The following HCN4 variants were observed in gnomAD, a reference collection of about 807,000 sequenced individuals.
The protein encoded by HCN4 is hyperpolarization activated cyclic nucleotide gated potassium channel 4, also known as potassium/sodium hyperpolarization-activated cyclic nucleotide-gated channel 4.
HCN4 carries 29 observed loss-of-function variants against 76.9 expected under a neutral mutation model. The observed-to-expected ratio is 0.38, with a 90% CI of 0.28 to 0.51. The LOEUF is 0.51. Among genes scored for constraint, HCN4 ranks in the 20% least tolerant of loss-of-function variants. The probability of loss-of-function intolerance (pLI) is 0.90; values close to 1 mark genes in which losing one functional copy is unlikely to be tolerated. For synonymous variants in HCN4, 772 were observed against 762.5 expected, an observed-to-expected ratio of 1.01 and a Z score of -0.21; for missense variants, 1,416 against 1,715.2, an observed-to-expected ratio of 0.83 and a Z score of 3.08.
In HCN4 at chr15:73,323,247, C is replaced by A; in HGVS notation, c.2846G>T (p.Arg949Leu). Residue 949 changes from arginine to leucine, a missense_variant, in exon 8 of 8, where the codon CGG becomes CTG. Coordinates refer to ENST00000261917, the MANE Select transcript of HCN4 (RefSeq NM_005477.3). ...GTGCTCCGGGAGTCCCAGGCCTCCCCGGGCCCCGGGTGGCGCGGGAGATGG... is the reference window on the plus strand; with the variant it reads ...GTGCTCCGGGAGTCCCAGGCCTCCCAGGGCCCCGGGTGGCGCGGGAGATGG... ...AQPSPAPPGA[R>L]GGLGLPEHFL... 6.6e-7 allele frequency: 1 copy of A among 1,522,712 alleles called. No homozygotes were observed. Among genetic ancestry groups the A allele is most frequent in the Non-Finnish European group, 8.8e-7 (1 of 1,135,724 alleles). The allele number at this position is 1,522,712 out of a possible 1,614,324, so 94.3% of individuals were successfully genotyped here.
rs1010963303 is a variant in HCN4 at position 73,322,911 on chromosome 15, G to A, written c.3182C>T (p.Pro1061Leu). ...CCGGCGCTGGGGGACCTGGGGTGGT[G>A]GGGGGCTGGATGCAGGTGGCAGGAG... ...SLLLPPASSP[P>L]PPQVPQRRGT... is the part of the protein sequence containing the mutation. Residue 1061 changes from proline to leucine, a missense_variant, in exon 8 of 8, where the codon CCA becomes CTA. By Grantham distance (98) the Pro-to-Leu change is moderately conservative. Coordinates refer to ENST00000261917, the MANE Select transcript of HCN4 (RefSeq NM_005477.3). The A allele has an allele frequency of 7.1e-7, 1 of 1,403,314 alleles. No homozygotes were observed. Among genetic ancestry groups the A allele is most frequent in the Non-Finnish European group, 9.4e-7 (1 of 1,061,652 alleles). The allele number at this position is 1,403,314 out of a possible 1,614,324, so 86.9% of individuals were successfully genotyped here.
In HCN4 at chr15:73,368,559, G is replaced by A; in HGVS notation, c.-289C>T. 1 of 238,198 alleles carries A rather than the reference G, an allele frequency of 4.2e-6. No homozygotes were observed. Among genetic ancestry groups the A allele is most frequent in the African/African-American group, 2.3e-5 (1 of 44,206 alleles). 14.8% of individuals were successfully genotyped at this position (238,198 alleles called of 1,614,324 possible). On this transcript the variant is annotated 5_prime_UTR_variant, in exon 1 of 8. Coordinates refer to ENST00000261917, the MANE Select transcript of HCN4 (RefSeq NM_005477.3). This position sits in a 1 kb window ranked among gnomAD's most constrained non-coding sequence, Gnocchi z 6.9. The stretch of plus-strand genomic sequence containing the variant: ...CCCTCCCTCTGGCGTTCAGGGGCGC[G>A]GCGCGCCGCCCGGCTCCAGGCGCCC...
In HCN4 at chr15:73,324,973, C is replaced by T. The variant is rs902789199; in HGVS notation, c.1960G>A (p.Asp654Asn). Residue 654 changes from aspartate (D) to asparagine (N), a missense_variant, in exon 6 of 8, where the codon GAC (aspartate) becomes AAC (asparagine). Asp to Asn is a conservative substitution (Grantham distance 23). Around this residue, in one of 6 missense-constraint regions of HCN4, gnomAD observed 241 missense variants for 379.4 expected, o/e 0.64. Transcript: ENST00000261917. ...GCCTCACCTCCAAAGTAGGAGCCGT[C>T]GGCCAGCTTGGTCTCCTTGTTGCCC... ...TKGNKETKLADGSYFGEICLL... is the reference protein window; with the variant it reads ...TKGNKETKLANGSYFGEICLL... 3.1e-6 allele frequency: 5 copies of T among 1,614,158 alleles called. No homozygotes were observed. Among genetic ancestry groups the T allele is most frequent in the East Asian group, 2.2e-5 (1 of 44,860 alleles).
At chr15:73,352,490 G>A (rs969093989) in intron 1 of HCN4, among the ~76,000 whole-genome samples, 8 of 152,194 alleles carry the variant, frequency 5.3e-5, no homozygotes, top group African/African-American at 1.4e-4. Flanking sequence ...TTGAAAGTGG[G>A]GGAGAAGGCA....
In HCN4 at chr15:73,367,854, G is replaced by A. The variant is rs1295915524; in HGVS notation, c.417C>T (p.Pro139=). 3 of 1,304,284 alleles carry A rather than the reference G, an allele frequency of 2.3e-6. No individual in the cohort carries two copies. Among genetic ancestry groups the A allele is most frequent in the African/African-American group, 3.1e-5 (2 of 65,334 alleles). 80.8% of individuals were successfully genotyped at this position (1,304,284 alleles called of 1,614,324 possible). A position where few individuals can be genotyped will look rare whatever the true frequency, so the allele number is the denominator to read the frequency against. Residue 139 remains proline (P), a synonymous_variant, in exon 1 of 8, where the codon CCC becomes CCT. Transcript: ENST00000261917. The surrounding 1 kb of genome is among the most constrained non-coding windows in gnomAD (Gnocchi z 7.5). ...GGCCTGGGGGCGTCCTGTCCTCGCC[G>A]GGGGACGCGTCGCCCTCGGCGATGA... ...RRLIAEGDAS[P]GEDRTPPGLA...
At chr15:73,329,526 C>T in intron 4 of HCN4, 47 bp downstream of exon 4, 1 of 1,586,524 alleles carries the variant, frequency 6.3e-7, no homozygotes, top group Non-Finnish European at 8.6e-7. Flanking sequence ...GGCCTGTGCT[C>T]CCTCTTGGGA....
Position 73,325,710 on chromosome 15 carries a change from G to T in HCN4, c.1591-266C>A, listed in dbSNP as rs1383350792. Reference sequence around the variant, plus strand: ...TGTTCAATACTAAGGAGGTGGGTGAGGGCGGCAGGGAATGTCCAAAGCCCA... The same window carrying T: ...TGTTCAATACTAAGGAGGTGGGTGATGGCGGCAGGGAATGTCCAAAGCCCA... On this transcript the variant is annotated intron_variant, in intron 4 of 7. Coordinates refer to ENST00000261917, the MANE Select transcript of HCN4 (RefSeq NM_005477.3). The surrounding 1 kb of genome is among the most constrained non-coding windows in gnomAD (Gnocchi z 7.4). 6.6e-6 allele frequency among the ~76,000 whole-genome samples: 1 copy of T among 152,198 alleles called. No homozygotes were observed. The highest frequency in any genetic ancestry group is 6.5e-5 in the Admixed American group (1 of 15,282).
chr15:73,350,588 C>A (rs2043051520), intron 1 of HCN4, among the ~76,000 whole-genome samples: 1 of 152,186 alleles, frequency 6.6e-6, no homozygotes. Context: ...CAGCAGATAA[C>A]ACCACTTTCT....
intron 1 of HCN4, among the ~76,000 whole-genome samples, chr15:73,353,004 A>ATG (rs2043061432): frequency 6.6e-6 from 1 of 150,810 alleles, no homozygotes; most frequent in African/African-American, 2.4e-5. Context: ...ATGGATGGAC[A>ATG]GATGGATGGA....
At position 73,323,085 on chromosome 15, in the gene HCN4, G is replaced by A. The variant is rs1475883901; in HGVS notation, c.3008C>T (p.Pro1003Leu). 24 of 1,579,872 alleles carry A rather than the reference G, an allele frequency of 1.5e-5. No homozygotes were observed. The highest frequency in any genetic ancestry group is 1.8e-5 in the Admixed American group (1 of 55,006). ...TPETPPRQPE[P>L]PSLVAGASGG... Reference sequence around the variant, plus strand: ...AGAGGCCCCTGCCACAAGGGACGGCGGCTCAGGCTGCCGTGGGGGTGTCTC... The same window carrying A: ...AGAGGCCCCTGCCACAAGGGACGGCAGCTCAGGCTGCCGTGGGGGTGTCTC... Residue 1003 changes from proline (P) to leucine (L), a missense_variant, in exon 8 of 8, where the codon CCG becomes CTG. Pro to Leu is a moderately conservative substitution (Grantham distance 98, BLOSUM62 -3). Around this residue, in one of 6 missense-constraint regions of HCN4, gnomAD observed 633 missense variants for 579.8 expected, o/e 1.09. Coordinates refer to ENST00000261917, the MANE Select transcript of HCN4 (RefSeq NM_005477.3).
intron 1 of HCN4, among the ~76,000 whole-genome samples, chr15:73,357,650 A>G (rs1330809700): frequency 6.6e-6 from 1 of 152,106 alleles, no homozygotes; most frequent in Non-Finnish European, 1.5e-5. Context: ...ATGCCCCGGA[A>G]ACAAAGAAAA....
chr15:73,325,427 C>G lies in HCN4; in HGVS notation c.1608G>C (p.Gln536His). 6.2e-7 allele frequency: 1 copy of G among 1,614,148 alleles called. No homozygotes were observed. The highest frequency in any genetic ancestry group is 8.5e-7 in the Non-Finnish European group (1 of 1,179,988). The change falls in exon 5 of 8, where the codon CAG becomes CAC. Residue 536 changes from glutamine (Q) to histidine (H), a missense_variant. By Grantham distance (24) the Gln-to-His change is conservative. Transcript: ENST00000261917. This position sits in a 1 kb window ranked among gnomAD's most constrained non-coding sequence, Gnocchi z 7.4. Reference sequence around the variant, plus strand: ...GCGGGAGCTTGTGAAAGGACATGTACTGCTCCACCTGCTTGTACTGAGGCC... The same window carrying G: ...GCGGGAGCTTGTGAAAGGACATGTAGTGCTCCACCTGCTTGTACTGAGGCC... ...QYQEKYKQVE[Q>H]YMSFHKLPPD...
chr15:73,357,158 C>G (rs2043084986), intron 1 of HCN4, among the ~76,000 whole-genome samples: 1 of 152,334 alleles, frequency 6.6e-6, no homozygotes, highest in Admixed American at 6.5e-5. Context: ...TGGGATCTTG[C>G]TAACACCCAA....
intron 2 of HCN4, 42 bp from the exon 3 acceptor site, chr15:73,332,334 G>A (rs961799817): frequency 6.2e-7 from 1 of 1,600,914 alleles, no homozygotes; most frequent in Non-Finnish European, 8.6e-7. Context: ...TAGGTGAGTG[G>A]CCAGGAGGGC....
intron 1 of HCN4, among the ~76,000 whole-genome samples, chr15:73,358,564 C>G (rs1211712866): frequency 6.6e-6 from 1 of 152,192 alleles, no homozygotes; most frequent in Non-Finnish European, 1.5e-5. Flanking sequence ...AGGCTGTGCA[C>G]CTAGGACCAG....
intron 1 of HCN4, among the ~76,000 whole-genome samples, chr15:73,356,374 C>CTTTTTTTT (rs71137342): frequency 1.0e-4 from 12 of 118,178 alleles, no homozygotes; most frequent in African/African-American, 1.6e-4. Flanking sequence ...CTTTTCTTTT[C>CTTTTTTTT]TTTTTTTTTT....
chr15:73,329,958 T>C (rs1446387783), intron 3 of HCN4, among the ~76,000 whole-genome samples, 167 bp from the exon 4 acceptor site: 1 of 152,246 alleles, frequency 6.6e-6, no homozygotes, highest in Non-Finnish European at 1.5e-5. Context: ...AAGCAGCCTG[T>C]GCTGCCAGCG....
At position 73,322,847 on chromosome 15, in the gene HCN4, G is replaced by A. The variant is rs2042869939; in HGVS notation, c.3246C>T (p.Asp1082=). 2 of 1,511,404 alleles carry A rather than the reference G, an allele frequency of 1.3e-6. No individual in the cohort carries two copies. The highest frequency in any genetic ancestry group is 1.8e-6 in the Non-Finnish European group (2 of 1,132,802). The allele number at this position is 1,511,404 out of a possible 1,614,324, so 93.6% of individuals were successfully genotyped here. The part of the protein sequence containing the change: ...PPLTPGRLTQ[D]LKLISASQPA... ...GCTGAGACGCGGAGATGAGCTTGAGGTCCTGGGTGAGGCGGCCGGGGGTGA... is the reference window on the plus strand; with the variant it reads ...GCTGAGACGCGGAGATGAGCTTGAGATCCTGGGTGAGGCGGCCGGGGGTGA... The change falls in exon 8 of 8, where the codon GAC becomes GAT. Residue 1082 remains aspartate (D), a synonymous_variant. Transcript: ENST00000261917.
intron 1 of HCN4, among the ~76,000 whole-genome samples, chr15:73,355,537 T>G (rs570857147): frequency 2.4e-4 from 36 of 152,192 alleles, no homozygotes; most frequent in African/African-American, 8.7e-4. Flanking sequence ...GCTTGAGAAC[T>G]CAGGGCTCTT....
Sources: allele counts gnomAD v4.1 joint callset (sites outside exome capture counted in the v4.1 genomes callset), GRCh38; gene constraint gnomAD v4.1.1; regional missense constraint gnomAD v4.1.1; non-coding constraint Gnocchi (gnomAD v3.1); transcripts MANE v1.5; gene names NCBI Gene and HGNC (gene_info 2026-07-23, HGNC 2026-07-21).